The following CD163L1 variants were observed in gnomAD, a reference collection of about 807,000 sequenced individuals.
CD163L1 encodes CD163 molecule like 1.
CD163L1 carries 124 observed loss-of-function variants against 165.4 expected under a neutral mutation model. That is an observed-to-expected ratio of 0.75 (90% CI 0.65 to 0.87). The LOEUF (loss-of-function observed/expected upper bound fraction) is 0.87. Among genes scored for constraint, CD163L1 ranks in the 40% least tolerant of loss-of-function variants. CD163L1 has a pLI of 0.00. For missense variants in CD163L1, 1,525 were observed against 1,799.9 expected, an observed-to-expected ratio of 0.85 and a Z score of 2.76; for synonymous variants, 585 against 662.2, an observed-to-expected ratio of 0.88 and a Z score of 1.79.
the CD163L1 span, chr12:7,328,492 A>C: frequency 7.6e-6 from 6 of 792,088 alleles, no homozygotes; most frequent in African/African-American, 9.2e-5. Flanking sequence ...TGAAAACTCA[A>C]CTGTTGATTT....
At chr12:7,319,032 T>C in the CD163L1 span, among the ~76,000 whole-genome samples, 1,641 of 152,276 alleles carry the variant, frequency 0.011, 27 homozygotes, top group African/African-American at 0.036. Context: ...ATTTCTATTA[T>C]TATTAAATTA....
At chr12:7,439,427 T>A in intron 2 of CD163L1, 1 of 1,589,330 alleles carries the variant, frequency 6.3e-7, no homozygotes, top group South Asian at 1.2e-5. Context: ...TCCAAGGAGC[T>A]CTCCAGGTCT....
Position 7,407,171 on chromosome 12 carries a change from A to T in CD163L1, c.767-319T>A, listed in dbSNP as rs760025203. Among the ~76,000 whole-genome samples, 3 of 152,276 alleles carry T rather than the reference A, an allele frequency of 2.0e-5. No individual in the cohort carries two copies. In the East Asian group the frequency reaches 5.8e-4, roughly 29 times the overall value. On this transcript the variant is annotated intron_variant, in intron 4 of 19. Transcript: ENST00000313599. ...AATAATGCATGTAAATTTATTGTCA[A>T]AACATGAGCCTTTGCTGGCTCTGAG...
At chr12:7,370,643 T>C (rs1397783501) in intron 14 of CD163L1, among the ~76,000 whole-genome samples, 3 of 152,138 alleles carry the variant, frequency 2.0e-5, no homozygotes. Flanking sequence ...CTGATAACTT[T>C]CACATGCACC....
chr12:7,440,011 G>A (rs966033014), intron 2 of CD163L1: 7 of 1,470,708 alleles, frequency 4.8e-6, no homozygotes, highest in East Asian at 4.9e-5. Flanking sequence ...GCAAACCGCC[G>A]AGGAAAACCC....
chr12:7,440,025 G>A (rs374547282), intron 2 of CD163L1: 11 of 1,363,946 alleles, frequency 8.1e-6, no homozygotes, highest in African/African-American at 4.2e-5. Flanking sequence ...AAAACCCGCT[G>A]CGACACACAC....
intron 4 of CD163L1, among the ~76,000 whole-genome samples, chr12:7,348,250 A>C (rs1225557192): frequency 6.6e-6 from 1 of 152,180 alleles, no homozygotes; most frequent in East Asian, 1.9e-4. Context: ...TGGATTGTTC[A>C]GGGAAGTGGC....
At chr12:7,361,540 C>T (rs944908776) in intron 18 of CD163L1, among the ~76,000 whole-genome samples, 8 of 152,128 alleles carry the variant, frequency 5.3e-5, no homozygotes, top group African/African-American at 1.9e-4. Context: ...TGTAGCAGGG[C>T]AGATATGCTT....
rs1385566825 is a variant in CD163L1, at chr12:7,347,897, T to A, written c.*25-750A>T. On this transcript the variant is annotated intron_variant, in intron 4 of 4. Transcript: ENST00000539726. This position sits in a 1 kb window ranked among gnomAD's most constrained non-coding sequence, Gnocchi z 4.2. ...AATATAAAATTAAAAACTGGTTGCA[T>A]TGAACTATTATTGAGTTTCCACATG... Among the ~76,000 whole-genome samples the A allele has an allele frequency of 6.6e-6, 1 of 152,226 alleles. No homozygotes were observed. The highest frequency in any genetic ancestry group is 1.5e-5 in the Non-Finnish European group (1 of 68,038).
chr12:7,365,874 T>C (rs1447003098), intron 18 of CD163L1, among the ~76,000 whole-genome samples: 1 of 152,080 alleles, frequency 6.6e-6, no homozygotes. Context: ...AAACTAAAGA[T>C]AGTATTACTA....
rs1254890450 is a variant in CD163L1 at position 7,421,520 on chromosome 12, TGTACATATATACATATAC to T, written c.766+10878_766+10895del. On this transcript the variant is annotated intron_variant, in intron 4 of 19. Coordinates refer to ENST00000313599, the MANE Select transcript of CD163L1 (RefSeq NM_174941.6). ...ATATGTACATATACATATACATATA[TGTACATATATACATATAC>T]GTACACATATACATATACATATATG... is the stretch of plus-strand genomic sequence containing the variant. 7.1e-3 allele frequency among the ~76,000 whole-genome samples: 931 copies of T among 130,650 alleles called. 32 individuals carry two copies. Among genetic ancestry groups the T allele is most frequent in the African/African-American group, 0.017 (524 of 31,648 alleles). 85.7% of individuals were successfully genotyped at this position (130,650 alleles called of 152,430 possible).
intron 14 of CD163L1, among the ~76,000 whole-genome samples, chr12:7,370,293 A>T (rs1460522183): frequency 6.6e-6 from 1 of 152,214 alleles, no homozygotes; most frequent in East Asian, 1.9e-4. Flanking sequence ...CACTGCAGAT[A>T]ATTATAACCG....
chr12:7,346,245 A>G (rs774322489), downstream of CD163L1, among the ~76,000 whole-genome samples: 19 of 152,096 alleles, frequency 1.2e-4, no homozygotes, highest in Non-Finnish European at 2.2e-4. Context: ...GATGCCCCCA[A>G]AATTGCTGGG....
intron 4 of CD163L1, among the ~76,000 whole-genome samples, chr12:7,428,964 G>A (rs1337538500): frequency 6.6e-6 from 1 of 151,900 alleles, no homozygotes; most frequent in Non-Finnish European, 1.5e-5. Flanking sequence ...TATTTAATCC[G>A]AGTTTCTTCT....
chr12:7,357,918 G>C (rs972399083), intron 18 of CD163L1, among the ~76,000 whole-genome samples: 2 of 152,082 alleles, frequency 1.3e-5, no homozygotes, highest in East Asian at 1.9e-4. Context: ...GAGAAATGTA[G>C]ATAACTAAAT....
At chr12:7,384,673 C>A (rs1299468769) in intron 8 of CD163L1, among the ~76,000 whole-genome samples, 2 of 151,868 alleles carry the variant, frequency 1.3e-5, no homozygotes, top group Non-Finnish European at 2.9e-5. Flanking sequence ...AAAATGCCAG[C>A]CTAAAATATA....
intron 4 of CD163L1, among the ~76,000 whole-genome samples, chr12:7,428,561 T>C: frequency 6.6e-6 from 1 of 152,086 alleles, no homozygotes; most frequent in Admixed American, 6.6e-5. Flanking sequence ...TGTAAGCCAG[T>C]ATTTTGATAT....
chr12:7,425,652 T>C (rs1948528179), intron 4 of CD163L1, among the ~76,000 whole-genome samples: 1 of 151,726 alleles, frequency 6.6e-6, no homozygotes, highest in African/African-American at 2.4e-5. Flanking sequence ...AACAACCCCA[T>C]CAAAAAGTGG....
At position 7,421,366 on chromosome 12, in the gene CD163L1, T is replaced by A. The variant is rs868844652; in HGVS notation, c.766+11050A>T. 4.9e-4 allele frequency among the ~76,000 whole-genome samples: 54 copies of A among 109,886 alleles called. 5 individuals are homozygous for A. The highest frequency in any genetic ancestry group is 2.0e-3 in the South Asian group (7 of 3,480). The allele number at this position is 109,886 out of a possible 152,430, so 72.1% of individuals were successfully genotyped here. On this transcript the variant is annotated intron_variant, in intron 4 of 19. Coordinates refer to ENST00000313599, the MANE Select transcript of CD163L1 (RefSeq NM_174941.6). ...CCAAATGTATATATATGTGTATATA[T>A]GTATATATACATTTGGAAGATATAT... is the stretch of plus-strand genomic sequence containing the variant.
Sources: allele counts gnomAD v4.1 joint callset (sites outside exome capture counted in the v4.1 genomes callset), GRCh38; gene constraint gnomAD v4.1.1; non-coding constraint Gnocchi (gnomAD v3.1); transcripts MANE v1.5; gene names NCBI Gene and HGNC (gene_info 2026-07-23, HGNC 2026-07-21).